GRK3: variants seen among roughly 807,000 people sequenced by gnomAD.
GRK3 encodes adrenergic, beta, receptor kinase 2.
GRK3 carries 54 observed loss-of-function variants against 95.7 expected under a neutral mutation model. The observed-to-expected ratio is 0.56, with a 90% CI of 0.45 to 0.71. The LOEUF (loss-of-function observed/expected upper bound fraction) is 0.71, where lower values mean the gene tolerates loss of function less well. Among genes scored for constraint, GRK3 ranks in the 30% least tolerant of loss-of-function variants. The probability of loss-of-function intolerance (pLI) is 0.00; values close to 1 mark genes in which losing one functional copy is unlikely to be tolerated. For missense variants in GRK3, 649 were observed against 851.2 expected (o/e 0.76, Z 2.96); for synonymous variants, 281 against 290.8 (o/e 0.97, Z 0.34).
chr22:25,583,264 A>G (rs961004700), intron 1 of GRK3, among the ~76,000 whole-genome samples: 1 of 152,154 alleles, frequency 6.6e-6, no homozygotes, highest in Non-Finnish European at 1.5e-5. Flanking sequence ...CGTTAATTTC[A>G]TAGGTGGTAA....
At chr22:25,681,585 A>C (rs2085074891) in intron 9 of GRK3, among the ~76,000 whole-genome samples, 1 of 152,152 alleles carries the variant, frequency 6.6e-6, no homozygotes, top group Non-Finnish European at 1.5e-5. Context: ...GATCTTGAGG[A>C]GCCTAAATGA....
At chr22:25,703,011 A>G (rs1178456454) in intron 13 of GRK3, 4 of 390,936 alleles carry the variant, frequency 1.0e-5, no homozygotes, top group Non-Finnish European at 2.0e-5. Context: ...TGTTTTCATC[A>G]AAGGGATGTA....
rs999455684 is a variant in GRK3, at chr22:25,711,171, T to C, written c.1491+8T>C. 1 of 1,547,208 alleles carries C rather than the reference T, an allele frequency of 6.5e-7. No homozygotes were observed. The highest frequency in any genetic ancestry group is 1.4e-5 in the African/African-American group (1 of 72,750). On this transcript the variant is annotated splice_region_variant and intron_variant, in intron 17 of 20. Transcript: ENST00000324198. ...GATACCAAAGGGATTAAGGTACACA[T>C]GTGATCATTTATTTCTTTATTTTTA... is the stretch of plus-strand genomic sequence containing the variant.
At chr22:25,688,071 C>G (rs1389821817) in intron 11 of GRK3, among the ~76,000 whole-genome samples, 2 of 151,922 alleles carry the variant, frequency 1.3e-5, no homozygotes, top group Non-Finnish European at 2.9e-5. Flanking sequence ...CCCGTCTCTA[C>G]TAAAAATACA....
At chr22:25,672,453 G>A (rs2084990836) in intron 7 of GRK3, 106 bp downstream of exon 7, 2 of 658,438 alleles carry the variant, frequency 3.0e-6, no homozygotes, top group South Asian at 3.5e-5. Flanking sequence ...AGGGTCCACT[G>A]CCCAAACAGA....
At chr22:25,685,318 A>G (rs1013837803) in intron 10 of GRK3, 70 bp downstream of exon 10, 17 of 1,202,302 alleles carry the variant, frequency 1.4e-5, no homozygotes, top group Non-Finnish European at 2.1e-5. Context: ...AGCATGCATT[A>G]ATCTAGGCAG....
At chr22:25,681,877 C>T (rs1009259362) in intron 9 of GRK3, among the ~76,000 whole-genome samples, 3 of 152,064 alleles carry the variant, frequency 2.0e-5, no homozygotes, top group South Asian at 2.1e-4. Context: ...CAAGGCAGGC[C>T]GTCTTATCCA....
At chr22:25,662,642 G>C (rs2084917047) in intron 4 of GRK3, among the ~76,000 whole-genome samples, 1 of 152,180 alleles carries the variant, frequency 6.6e-6, no homozygotes, top group Non-Finnish European at 1.5e-5. Context: ...GACCCACCTG[G>C]CTTGATGAAG....
rs1212718412 is a variant in GRK3 at position 25,564,750 on chromosome 22, T to TG, written c.-291_-290insG. The TG allele has an allele frequency of 1.3e-5, 2 of 149,684 alleles. No individual in the cohort carries two copies. Among genetic ancestry groups the TG allele is most frequent in the African/African-American group, 2.5e-5 (1 of 40,630 alleles). 9.3% of individuals were successfully genotyped at this position (149,684 alleles called of 1,614,324 possible). On this transcript the variant is annotated 5_prime_UTR_variant, in exon 1 of 21. Coordinates refer to ENST00000324198, the MANE Select transcript of GRK3 (RefSeq NM_005160.4). ...GGGGCGCTGACCGTTGGACGCGCGCTCCCCGCAGACCCTCGCTGAAGGAGC... is the reference window on the plus strand; with the variant it reads ...GGGGCGCTGACCGTTGGACGCGCGCTGCCCCGCAGACCCTCGCTGAAGGAGC...
intron 2 of GRK3, among the ~76,000 whole-genome samples, chr22:25,637,365 T>G (rs963107657): frequency 1.3e-5 from 2 of 152,218 alleles, no homozygotes; most frequent in African/African-American, 2.4e-5. Flanking sequence ...CTCCTCTTAC[T>G]TGCTTATATG....
Position 25,725,782 on chromosome 22 carries a change from T to C in GRK3, c.*3332T>C. On this transcript the variant is annotated 3_prime_UTR_variant, in exon 21 of 21. Coordinates refer to ENST00000324198, the MANE Select transcript of GRK3 (RefSeq NM_005160.4). ...TAGCAGAGTGAAACCCCGTCTCTACTAAAAATACAAATAAAAATTAGCCGG... is the reference window on the plus strand; with the variant it reads ...TAGCAGAGTGAAACCCCGTCTCTACCAAAAATACAAATAAAAATTAGCCGG... 1 of 391,888 alleles carries C rather than the reference T, an allele frequency of 2.6e-6. No individual in the cohort carries two copies. The allele number at this position is 391,888 out of a possible 1,614,324, so 24.3% of individuals were successfully genotyped here.
rs190684237 is a variant in GRK3, at chr22:25,685,987, G to C, written c.826+739G>C. On this transcript the variant is annotated intron_variant, in intron 10 of 20. Transcript: ENST00000324198. ...TGTAATCCCAGCACTTTGGGAGACC[G>C]AGGCGGGCGGATCAATGAGGTCAGG... 3.3e-5 allele frequency among the ~76,000 whole-genome samples: 5 copies of C among 151,796 alleles called. No individual in the cohort carries two copies. The East Asian group carries it at 7.8e-4, about 24-fold the overall frequency.
At chr22:25,709,987 A>G (rs1367558542) in intron 16 of GRK3, 23 bp downstream of exon 16, 2 of 1,553,084 alleles carry the variant, frequency 1.3e-6, no homozygotes, top group Non-Finnish European at 1.8e-6. Context: ...TCTTGACTCT[A>G]CTTACGGTAC....
intron 2 of GRK3, among the ~76,000 whole-genome samples, chr22:25,620,006 T>TTTTTTGTGTG (rs144086816): frequency 1.3e-4 from 12 of 90,314 alleles, no homozygotes; most frequent in African/African-American, 5.9e-4. Flanking sequence ...TTTGTCTTTT[T>TTTTTTGTGTG]TGTGTGTGTG....
intron 3 of GRK3, chr22:25,648,794 C>A: frequency 8.3e-7 from 1 of 1,199,306 alleles, no homozygotes; most frequent in Non-Finnish European, 1.2e-6. Context: ...ACCGAGATCT[C>A]TGGGCTGCTA....
At chr22:25,663,146 G>T (rs2084920324) in intron 4 of GRK3, among the ~76,000 whole-genome samples, 1 of 152,122 alleles carries the variant, frequency 6.6e-6, no homozygotes, top group Non-Finnish European at 1.5e-5. Context: ...CTCCAGAGTA[G>T]TTAGGACTAC....
At chr22:25,628,682 A>G (rs903704047) in intron 2 of GRK3, among the ~76,000 whole-genome samples, 9 of 152,216 alleles carry the variant, frequency 5.9e-5, no homozygotes, top group African/African-American at 2.2e-4. Flanking sequence ...GTAACAAGGA[A>G]ACCCCAGAAT....
intron 1 of GRK3, among the ~76,000 whole-genome samples, chr22:25,597,127 A>T (rs1239726378): frequency 5.3e-5 from 8 of 152,222 alleles, no homozygotes; most frequent in Non-Finnish European, 1.0e-4. Context: ...TTGGATTTAT[A>T]ATTAGGGTCT....
intron 5 of GRK3, among the ~76,000 whole-genome samples, chr22:25,666,549 G>C (rs1167239467): frequency 6.6e-6 from 1 of 152,146 alleles, no homozygotes; most frequent in Non-Finnish European, 1.5e-5. Context: ...GGATAGTTCT[G>C]CAAGTTGGGG....
Sources: allele counts gnomAD v4.1 joint callset (sites outside exome capture counted in the v4.1 genomes callset), GRCh38; gene constraint gnomAD v4.1.1; transcripts MANE v1.5; gene names NCBI Gene and HGNC (gene_info 2026-07-23, HGNC 2026-07-21).